TRPC1: variants seen among roughly 807,000 people sequenced by gnomAD.
TRPC1 encodes the protein transient receptor potential cation channel subfamily C member 1, also known as short transient receptor potential channel 1.
In TRPC1, 42 loss-of-function variants were observed where a neutral mutation model predicts 88.2. The observed-to-expected ratio is 0.48, with a 90% CI of 0.37 to 0.62. TRPC1 has a LOEUF of 0.62. Among genes scored for constraint, TRPC1 ranks in the 20% least tolerant of loss-of-function variants. TRPC1 has a pLI of 0.00. For missense variants in TRPC1, 699 were observed against 957.3 expected, an observed-to-expected ratio of 0.73 and a Z score of 3.56; for synonymous variants, 288 against 331.8, an observed-to-expected ratio of 0.87 and a Z score of 1.43.
rs781091573 is a variant in TRPC1 at position 142,724,606 on chromosome 3, C to T, written c.47C>T (p.Ser16Phe). The change falls in exon 1 of 13, where the codon TCC (serine) becomes TTC (phenylalanine). Residue 16 changes from serine to phenylalanine, a missense_variant. This residue lies in a region of TRPC1 where 157 missense variants were observed against 127.0 expected (regional missense o/e 1.24). Coordinates refer to ENST00000476941, the MANE Select transcript of TRPC1 (RefSeq NM_001251845.2). This position sits in a 1 kb window ranked among gnomAD's most constrained non-coding sequence, Gnocchi z 5.6. Reference sequence around the variant, plus strand: ...AGCACGGACCTCTCGGGCGCCTCCTCCTCCTCCCTGCCTTCCTCTCCATCC... The same window carrying T: ...AGCACGGACCTCTCGGGCGCCTCCTTCTCCTCCCTGCCTTCCTCTCCATCC... Reference protein sequence around the residue: ...YPSTDLSGASSSSLPSSPSSS... With the variant: ...YPSTDLSGASFSSLPSSPSSS... 2 of 1,608,356 alleles carry T rather than the reference C, an allele frequency of 1.2e-6. No homozygotes were observed. Among genetic ancestry groups the T allele is most frequent in the African/African-American group, 1.3e-5 (1 of 74,618 alleles).
chr3:142,728,123 C>G (rs1933754668), intron 1 of TRPC1, among the ~76,000 whole-genome samples: 1 of 152,038 alleles, frequency 6.6e-6, no homozygotes, highest in Admixed American at 6.6e-5. Context: ...CAGTCCCTGC[C>G]AACTCTCCAT....
At chr3:142,789,885 C>T (rs1175179681) in intron 7 of TRPC1, among the ~76,000 whole-genome samples, 2 of 151,888 alleles carry the variant, frequency 1.3e-5, no homozygotes, top group Non-Finnish European at 2.9e-5. Context: ...TTGGAAACAT[C>T]GGTAAATAAA....
At chr3:142,799,208 A>T (rs1347289325) in intron 9 of TRPC1, among the ~76,000 whole-genome samples, 1 of 152,108 alleles carries the variant, frequency 6.6e-6, no homozygotes, top group East Asian at 1.9e-4. Context: ...TGTGTGTACT[A>T]GTATTAACTC....
rs997371285 is a variant in TRPC1, at chr3:142,807,775, C to T, written c.*1540C>T. On this transcript the variant is annotated 3_prime_UTR_variant, in exon 13 of 13. Coordinates refer to ENST00000476941, the MANE Select transcript of TRPC1 (RefSeq NM_001251845.2). ...TCTAAAAAACACCTAATTATTAAAACATTTATAGAGTGCCTACTGTATGCA... is the reference window on the plus strand; with the variant it reads ...TCTAAAAAACACCTAATTATTAAAATATTTATAGAGTGCCTACTGTATGCA... 7 of 152,074 alleles carry T rather than the reference C, an allele frequency of 4.6e-5. No homozygotes were observed. The highest frequency in any genetic ancestry group is 1.7e-4 in the African/African-American group (7 of 41,390). The allele number at this position is 152,074 out of a possible 1,614,324, so 9.4% of individuals were successfully genotyped here.
intron 4 of TRPC1, among the ~76,000 whole-genome samples, chr3:142,762,210 A>G (rs1935204272): frequency 6.6e-6 from 1 of 151,716 alleles, no homozygotes; most frequent in Non-Finnish European, 1.5e-5. Context: ...TAATTATTGC[A>G]TTTTTTGTAG....
rs1010188086 is a variant in TRPC1, at chr3:142,807,676, T to TAA, written c.*1443_*1444dup. On this transcript the variant is annotated 3_prime_UTR_variant, in exon 13 of 13. Transcript: ENST00000476941. ...CAAATTCTTATAAAAATGTTTATTG[T>TAA]AAAGTTATATATTTTGTCTACGATG... 2 of 152,226 alleles carry TAA rather than the reference T, an allele frequency of 1.3e-5. No individual in the cohort carries two copies. Among genetic ancestry groups the TAA allele is most frequent in the Non-Finnish European group, 2.9e-5 (2 of 68,034 alleles). The allele number at this position is 152,226 out of a possible 1,614,324, so 9.4% of individuals were successfully genotyped here. A position where few individuals can be genotyped will look rare whatever the true frequency, so the allele number is the denominator to read the frequency against.
At chr3:142,804,221 T>C (rs1160663105) in intron 11 of TRPC1, 43 bp downstream of exon 11, 3 of 1,577,304 alleles carry the variant, frequency 1.9e-6, no homozygotes, top group South Asian at 2.2e-5. Context: ...CCTCAGACCA[T>C]ACTAAGTGCA....
chr3:142,746,106 T>G (rs545105640), intron 3 of TRPC1, among the ~76,000 whole-genome samples: 1 of 152,300 alleles, frequency 6.6e-6, no homozygotes, highest in East Asian at 1.9e-4. Context: ...TTATATATTT[T>G]AAATAACTGA....
intron 4 of TRPC1, 60 bp from the exon 5 acceptor site, chr3:142,777,572 A>G: frequency 6.0e-6 from 7 of 1,166,610 alleles, no homozygotes; most frequent in Non-Finnish European, 8.0e-6. Flanking sequence ...ATTATAGATT[A>G]AAATACGAAT....
intron 4 of TRPC1, among the ~76,000 whole-genome samples, chr3:142,765,028 T>C (rs1290253343): frequency 6.6e-6 from 1 of 152,118 alleles, no homozygotes; most frequent in Non-Finnish European, 1.5e-5. Flanking sequence ...ATCAACATTG[T>C]TCAAGCTGAG....
At chr3:142,798,848 T>C (rs1284846802) in intron 9 of TRPC1, among the ~76,000 whole-genome samples, 1 of 152,184 alleles carries the variant, frequency 6.6e-6, no homozygotes, top group Non-Finnish European at 1.5e-5. Flanking sequence ...TGCTTTCTTT[T>C]GTTAGCAACT....
chr3:142,766,444 A>C (rs1935392889), intron 4 of TRPC1, among the ~76,000 whole-genome samples: 1 of 148,312 alleles, frequency 6.7e-6, no homozygotes, highest in South Asian at 2.1e-4. Flanking sequence ...TGTGTCACCC[A>C]GACTGGAGTG....
At chr3:142,753,406 C>A (rs1934846840) in intron 4 of TRPC1, among the ~76,000 whole-genome samples, 1 of 152,112 alleles carries the variant, frequency 6.6e-6, no homozygotes. Context: ...ATGGCAAGGA[C>A]CCCTGACTTA....
chr3:142,728,545 TCCCGACCTCGAGTGATCCA>T (rs1933773324), intron 1 of TRPC1, among the ~76,000 whole-genome samples: 1 of 152,066 alleles, frequency 6.6e-6, no homozygotes, highest in Non-Finnish European at 1.5e-5. Context: ...GGTCTCAAAC[TCCCGACCTCGAGTGATCCA>T]CCCGCCTCGG....
rs1933576508 is a variant in TRPC1, at chr3:142,724,524, C to T, written c.-36C>T. On this transcript the variant is annotated 5_prime_UTR_variant, in exon 1 of 13. Transcript: ENST00000476941. The surrounding 1 kb of genome is among the most constrained non-coding windows in gnomAD (Gnocchi z 5.6). ...GGGGTCGGGGCCGGTGGGGGCCCCG[C>T]CCCCGTCTCCTGGCCTGCCCCCTTC... The T allele has an allele frequency of 2.7e-6, 4 of 1,484,122 alleles. No individual in the cohort carries two copies. Among genetic ancestry groups the T allele is most frequent in the Non-Finnish European group, 3.6e-6 (4 of 1,123,818 alleles). The allele number at this position is 1,484,122 out of a possible 1,614,324, so 91.9% of individuals were successfully genotyped here.
chr3:142,798,140 A>G (rs181277202), intron 9 of TRPC1, among the ~76,000 whole-genome samples: 250 of 152,240 alleles, frequency 1.6e-3, no homozygotes, highest in Admixed American at 3.2e-3. Context: ...TGATTGGGTT[A>G]AAGCTGGAAA....
At chr3:142,788,625 C>T (rs1257284729) in intron 7 of TRPC1, among the ~76,000 whole-genome samples, 1 of 151,942 alleles carries the variant, frequency 6.6e-6, no homozygotes, top group African/African-American at 2.4e-5. Flanking sequence ...GTATATGAAA[C>T]TATAGGCATA....
rs539703871 is a variant in TRPC1 at position 142,807,349 on chromosome 3, A to C, written c.*1114A>C. The C allele has an allele frequency of 6.6e-6, 1 of 152,304 alleles. No individual in the cohort carries two copies. Among genetic ancestry groups the C allele is most frequent in the Non-Finnish European group, 1.5e-5 (1 of 68,030 alleles). 9.4% of individuals were successfully genotyped at this position (152,304 alleles called of 1,614,324 possible). ...TAAGATGAAAAGCATTGGTTTTTTA[A>C]AATTAGAGAATAAAATATGTATTTA... On this transcript the variant is annotated 3_prime_UTR_variant, in exon 13 of 13. Transcript: ENST00000476941.
chr3:142,725,376 G>C (rs1933634247), intron 1 of TRPC1, among the ~76,000 whole-genome samples: 1 of 152,134 alleles, frequency 6.6e-6, no homozygotes, highest in Admixed American at 6.5e-5. Flanking sequence ...GCCTTTGATT[G>C]TTAGTGCTTT....
Sources: gnomAD v4.1 joint callset for allele counts (sites outside exome capture counted in the v4.1 genomes callset) on GRCh38, gnomAD v4.1.1 for gene constraint, gnomAD v4.1.1 regional missense constraint, Gnocchi (gnomAD v3.1) non-coding constraint, MANE v1.5 for transcripts, NCBI Gene and HGNC (gene_info 2026-07-23, HGNC 2026-07-21) for gene names.